The following ZGLP1 variants were observed in gnomAD, a reference collection of about 807,000 sequenced individuals.
ZGLP1 encodes the protein zinc finger GATA like protein 1.
Under a neutral mutation model 21.4 loss-of-function variants are expected in ZGLP1, and 11 were observed. The observed-to-expected ratio is 0.51, with a 90% CI of 0.32 to 0.85. The LOEUF (loss-of-function observed/expected upper bound fraction) is 0.85, where lower values mean the gene tolerates loss of function less well. Ranked by LOEUF, ZGLP1 falls within the 40% of genes least tolerant of loss-of-function variation. ZGLP1 has a pLI of 0.03. For synonymous variants in ZGLP1, 148 were observed against 145.0 expected (o/e 1.02, Z -0.15); for missense variants, 295 against 355.6 (o/e 0.83, Z 1.37).
Position 10,305,709 on chromosome 19 carries a change from G to T in ZGLP1, c.604+137C>A. ...GGGTGGGGGTGACTCAGCCCAAGTG[G>T]AGGGGGGTGCTGCGACTCCTCCCTG... On this transcript the variant is annotated intron_variant, in intron 2 of 3. Transcript: ENST00000403903. This position sits in a 1 kb window ranked among gnomAD's most constrained non-coding sequence, Gnocchi z 4.7. 1.3e-6 allele frequency: 1 copy of T among 781,534 alleles called. No homozygotes were observed. The highest frequency in any genetic ancestry group is 2.2e-6 in the Non-Finnish European group (1 of 464,492). 48.4% of individuals were successfully genotyped at this position (781,534 alleles called of 1,614,324 possible).
exon 1 of ZGLP1, chr19:10,308,816 C>T (rs865913468): frequency 2.6e-6 from 2 of 757,258 alleles, no homozygotes; most frequent in Non-Finnish European, 3.7e-6. Flanking sequence ...AGGCAGGGAC[C>T]GCCCTAGGTG....
intron 1 of ZGLP1, 77 bp downstream of exon 2, chr19:10,308,108 A>G (rs281416): frequency 0.63 from 935,804 of 1,490,820 alleles, 301,948 homozygotes; most frequent in African/African-American, 0.85. Context: ...CCGACGCCAG[A>G]GAGCACCCCT....
exon 1 of ZGLP1, chr19:10,308,743 G>T (rs2040294969): frequency 7.2e-7 from 1 of 1,395,852 alleles, no homozygotes. Flanking sequence ...GCCCACTGTG[G>T]GCCTCCCAGG....
Position 10,305,347 on chromosome 19 carries a change from AT to A in ZGLP1, c.698+42del. 6.4e-7 allele frequency: 1 copy of A among 1,558,710 alleles called. No homozygotes were observed. The highest frequency in any genetic ancestry group is 8.7e-7 in the Non-Finnish European group (1 of 1,147,250). ...GGCCATCCTGGTTACACGTGGACTG[AT>A]TTGGGGACCCCCGCCCCAACTCCCT... On this transcript the variant is annotated intron_variant, in intron 3 of 3. Transcript: ENST00000403903. This position sits in a 1 kb window ranked among gnomAD's most constrained non-coding sequence, Gnocchi z 4.7.
In ZGLP1 at chr19:10,305,992, T is replaced by C; in HGVS notation, c.498-40A>G. 1.4e-6 allele frequency: 2 copies of C among 1,425,462 alleles called. No homozygotes were observed. The highest frequency in any genetic ancestry group is 2.5e-5 in the South Asian group (2 of 79,960). 88.3% of individuals were successfully genotyped at this position (1,425,462 alleles called of 1,614,324 possible). A position where few individuals can be genotyped will look rare whatever the true frequency, so the allele number is the denominator to read the frequency against. On this transcript the variant is annotated intron_variant, in intron 1 of 3. Coordinates refer to ENST00000403903, the Ensembl canonical transcript of ZGLP1. This position sits in a 1 kb window ranked among gnomAD's most constrained non-coding sequence, Gnocchi z 4.7. ...AGGTATTAGCACTGGGGGGGATCTG[T>C]AGCTTGTCCCCAACAGCCCTCCGAA... is the stretch of plus-strand genomic sequence containing the variant.
At chr19:10,306,092 T>C (rs2040278158) in intron 1 of ZGLP1, 140 bp from the exon 3 acceptor site, 1 of 454,456 alleles carries the variant, frequency 2.2e-6, no homozygotes, top group South Asian at 4.6e-5. Flanking sequence ...GCTTTGCCTC[T>C]CATTAGTAAT....
At chr19:10,308,232 C>G in exon 1 of ZGLP1, 1 of 1,573,368 alleles carries the variant, frequency 6.4e-7, no homozygotes, top group South Asian at 1.1e-5. Context: ...TTATCTGAAA[C>G]TTCAGAGTCA....
At chr19:10,309,029 C>T (rs919031547) in exon 1 of ZGLP1, 9 of 200,854 alleles carry the variant, frequency 4.5e-5, no homozygotes, top group East Asian at 1.1e-4. Context: ...CTTACAGGCA[C>T]GCGCCACCAC....
exon 1 of ZGLP1, chr19:10,308,614 G>A (rs767648109): frequency 1.3e-6 from 2 of 1,540,578 alleles, no homozygotes; most frequent in Non-Finnish European, 8.7e-7. Context: ...CGGCCAGGGG[G>A]TTCCAACTTG....
At chr19:10,308,040 C>A in intron 1 of ZGLP1, 145 bp downstream of exon 2, 1 of 1,167,448 alleles carries the variant, frequency 8.6e-7, no homozygotes, top group Non-Finnish European at 1.2e-6. Context: ...GGCACCAGCT[C>A]AAGTTGTCAA....
At position 10,305,243 on chromosome 19, in the gene ZGLP1, T is replaced by G. The variant is rs2040272689; in HGVS notation, c.699-35A>C. The G allele has an allele frequency of 6.3e-7, 1 of 1,599,208 alleles. No homozygotes were observed. Among genetic ancestry groups the G allele is most frequent in the South Asian group, 1.1e-5 (1 of 90,796 alleles). ...GGGGACAAGAAACTGCCATTTAGGA[T>G]GCAGTGGGGGCCCGGAAACCGCCAC... On this transcript the variant is annotated intron_variant, in intron 3 of 3. Transcript: ENST00000403903. The surrounding 1 kb of genome is among the most constrained non-coding windows in gnomAD (Gnocchi z 4.7).
intron 1 of ZGLP1, among the ~76,000 whole-genome samples, chr19:10,307,364 T>TA (rs1422776010): frequency 8.5e-6 from 1 of 118,284 alleles, no homozygotes; most frequent in African/African-American, 3.5e-5. Flanking sequence ...TTTTTTTTTT[T>TA]AAGGGGATGG....
chr19:10,305,254 C>T lies in ZGLP1; in HGVS notation c.699-46G>A, dbSNP rs778108237. The stretch of plus-strand genomic sequence containing the variant: ...ACTGCCATTTAGGATGCAGTGGGGG[C>T]CCGGAAACCGCCACAAGGAAACCAC... On this transcript the variant is annotated intron_variant, in intron 3 of 3. Transcript: ENST00000403903. The surrounding 1 kb of genome is among the most constrained non-coding windows in gnomAD (Gnocchi z 4.7). 2 of 1,592,254 alleles carry T rather than the reference C, an allele frequency of 1.3e-6. No individual in the cohort carries two copies. The highest frequency in any genetic ancestry group is 3.4e-5 in the Admixed American group (2 of 59,590).
chr19:10,305,330 T>C lies in ZGLP1; in HGVS notation c.698+60A>G, dbSNP rs765716553. 7.8e-6 allele frequency: 12 copies of C among 1,541,374 alleles called. No individual in the cohort carries two copies. The highest frequency in any genetic ancestry group is 1.9e-5 in the Admixed American group (1 of 52,216). Reference sequence around the variant, plus strand: ...TTTTTGCTTTCCCCACAGGCCATCCTGGTTACACGTGGACTGATTTGGGGA... The same window carrying C: ...TTTTTGCTTTCCCCACAGGCCATCCCGGTTACACGTGGACTGATTTGGGGA... On this transcript the variant is annotated intron_variant, in intron 3 of 3. Coordinates refer to ENST00000403903, the Ensembl canonical transcript of ZGLP1. This position sits in a 1 kb window ranked among gnomAD's most constrained non-coding sequence, Gnocchi z 4.7.
chr19:10,308,812 G>T, exon 1 of ZGLP1: 1 of 830,278 alleles, frequency 1.2e-6, no homozygotes, highest in Non-Finnish European at 1.7e-6. Context: ...ACCCAGGCAG[G>T]GACCGCCCTA....
At position 10,305,017 on chromosome 19, in the gene ZGLP1, G is replaced by A. The variant is rs2040271301; in HGVS notation, c.*74C>T. ...CCGGCTCTTTCCCCAATCCTCCTAG[G>A]AGAGCTGCTTCTGCCCATTCTCCCA... is the stretch of plus-strand genomic sequence containing the variant. On this transcript the variant is annotated 3_prime_UTR_variant, in exon 4 of 4. Transcript: ENST00000403903. The surrounding 1 kb of genome is among the most constrained non-coding windows in gnomAD (Gnocchi z 4.7). 1.7e-6 allele frequency: 2 copies of A among 1,178,448 alleles called. No homozygotes were observed. The highest frequency in any genetic ancestry group is 2.5e-6 in the Non-Finnish European group (2 of 793,454). 73.0% of individuals were successfully genotyped at this position (1,178,448 alleles called of 1,614,324 possible).
At chr19:10,309,173 T>C (rs2040297987) in exon 1 of ZGLP1, 1 of 152,770 alleles carries the variant, frequency 6.5e-6, no homozygotes, top group Non-Finnish European at 1.5e-5. Context: ...TGGCCTCTGA[T>C]CCCTAGATGA....
intron 1 of ZGLP1, 108 bp downstream of exon 2, chr19:10,308,077 G>A (rs1465795085): frequency 7.0e-7 from 1 of 1,432,950 alleles, no homozygotes; most frequent in African/African-American, 1.4e-5. Flanking sequence ...GTGTAACGTA[G>A]AGCACAGGTG....
intron 1 of ZGLP1, 150 bp downstream of exon 2, chr19:10,308,035 C>T: frequency 9.0e-7 from 1 of 1,107,720 alleles, no homozygotes; most frequent in Admixed American, 2.5e-5. Context: ...TATCTGGCAC[C>T]AGCTCAAGTT....
Sources: gnomAD v4.1 joint callset for allele counts (sites outside exome capture counted in the v4.1 genomes callset) on GRCh38, gnomAD v4.1.1 for gene constraint, Gnocchi (gnomAD v3.1) non-coding constraint, MANE v1.5 for transcripts, NCBI Gene and HGNC (gene_info 2026-07-23, HGNC 2026-07-21) for gene names.